The following KCNQ5 variants were observed in gnomAD, a reference collection of about 807,000 sequenced individuals.
The protein encoded by KCNQ5 is potassium voltage-gated channel subfamily Q member 5, also known as potassium voltage-gated channel subfamily KQT member 5.
Under a neutral mutation model 98.2 loss-of-function variants are expected in KCNQ5, and 30 were observed. That is an observed-to-expected ratio of 0.31 (90% CI 0.23 to 0.41). The LOEUF (loss-of-function observed/expected upper bound fraction) is 0.41. KCNQ5 is among the 10% of genes least tolerant of loss of function. The probability of loss-of-function intolerance (pLI) is 1.00; values close to 1 mark genes in which losing one functional copy is unlikely to be tolerated. For missense variants in KCNQ5, 835 were observed against 1,182.5 expected (o/e 0.71, Z 4.31); for synonymous variants, 458 against 449.4 (o/e 1.02, Z -0.24).
intron 1 of KCNQ5, among the ~76,000 whole-genome samples, chr6:72,870,966 T>G (rs1211501689): frequency 6.6e-6 from 1 of 152,224 alleles, no homozygotes; most frequent in East Asian, 1.9e-4. Context: ...TTTTAACCAT[T>G]TGGGACTAAA....
intron 1 of KCNQ5, among the ~76,000 whole-genome samples, chr6:72,836,240 C>A (rs182074132): frequency 1.4e-4 from 21 of 152,152 alleles, no homozygotes; most frequent in African/African-American, 4.6e-4. Context: ...TCTAGTCAAG[C>A]TGCAAATTAC....
Position 72,781,122 on chromosome 6 carries a change from G to A in KCNQ5, c.398+158535G>A, listed in dbSNP as rs117211152. Among the ~76,000 whole-genome samples the A allele has an allele frequency of 9.5e-3, 1,448 of 152,272 alleles. 13 individuals carry two copies. Among genetic ancestry groups the A allele is most frequent in the Non-Finnish European group, 0.015 (1,045 of 68,024 alleles). The stretch of plus-strand genomic sequence containing the variant: ...TGTAATTAGTTGTTAAAGTGAGGTT[G>A]CTAAGAGAGTGGGCCCTAAATCCCA... On this transcript the variant is annotated intron_variant, in intron 1 of 13. Transcript: ENST00000370398.
intron 1 of KCNQ5, among the ~76,000 whole-genome samples, chr6:72,975,591 G>A (rs996833339): frequency 1.3e-5 from 2 of 152,120 alleles, no homozygotes; most frequent in Admixed American, 1.3e-4. Context: ...TAGTTTCAGA[G>A]TTTATGGTTA....
At chr6:72,790,643 T>C (rs1294479140) in intron 1 of KCNQ5, among the ~76,000 whole-genome samples, 5 of 152,146 alleles carry the variant, frequency 3.3e-5, no homozygotes, top group African/African-American at 9.7e-5. Flanking sequence ...TTATTGTACA[T>C]TTAAAAATAA....
At chr6:72,901,187 A>G (rs1324222564) in intron 1 of KCNQ5, among the ~76,000 whole-genome samples, 1 of 117,784 alleles carries the variant, frequency 8.5e-6, no homozygotes, top group Non-Finnish European at 1.6e-5. Flanking sequence ...CCCTTAGCCC[A>G]TTTTTTGATG....
At chr6:72,792,999 T>C (rs1582300687) in intron 1 of KCNQ5, among the ~76,000 whole-genome samples, 1 of 152,134 alleles carries the variant, frequency 6.6e-6, no homozygotes, top group Admixed American at 6.6e-5. Flanking sequence ...CTGGGAGAGT[T>C]TTTTTATGGG....
chr6:72,900,307 CAT>C (rs150322921), intron 1 of KCNQ5, among the ~76,000 whole-genome samples: 2 of 149,310 alleles, frequency 1.3e-5, no homozygotes, highest in Admixed American at 6.7e-5. Context: ...TGTCTGAGTA[CAT>C]ATATATATAT....
At chr6:72,714,103 A>G (rs1769518162) in intron 1 of KCNQ5, among the ~76,000 whole-genome samples, 4 of 152,222 alleles carry the variant, frequency 2.6e-5, no homozygotes, top group Admixed American at 2.6e-4. Context: ...ATTTCTCTGT[A>G]AGAACAATTA....
chr6:73,072,672 T>C (rs1209475294), intron 3 of KCNQ5, among the ~76,000 whole-genome samples: 2 of 152,220 alleles, frequency 1.3e-5, no homozygotes, highest in African/African-American at 4.8e-5. Context: ...ATGGTATTTA[T>C]TTTGTTCAAA....
intron 1 of KCNQ5, among the ~76,000 whole-genome samples, chr6:72,645,559 G>T (rs1183048088): frequency 6.6e-6 from 1 of 152,038 alleles, no homozygotes; most frequent in Non-Finnish European, 1.5e-5. Flanking sequence ...ATATGGTATG[G>T]AAATTCTCTT....
chr6:73,042,962 G>A (rs1473491091), intron 3 of KCNQ5: 3 of 179,298 alleles, frequency 1.7e-5, no homozygotes, highest in African/African-American at 7.1e-5. Flanking sequence ...TTCTTGATGA[G>A]GCTTATTTAT....
chr6:73,166,771 C>A (rs1378763725), intron 10 of KCNQ5, among the ~76,000 whole-genome samples: 2 of 152,146 alleles, frequency 1.3e-5, no homozygotes, highest in African/African-American at 4.8e-5. Flanking sequence ...TCTCTCCTAA[C>A]GATTGGTGGG....
chr6:72,628,240 A>C (rs545897378), intron 1 of KCNQ5, among the ~76,000 whole-genome samples: 12 of 152,328 alleles, frequency 7.9e-5, no homozygotes, highest in African/African-American at 2.6e-4. Context: ...CAGTTTTCTT[A>C]GACGTAAGAT....
rs534457288 is a variant in KCNQ5 at position 73,118,373 on chromosome 6, T to C, written c.1126-2110T>C. Among the ~76,000 whole-genome samples, 25 of 152,380 alleles carry C rather than the reference T, an allele frequency of 1.6e-4. No individual in the cohort carries two copies. In the East Asian group the frequency reaches 4.4e-3, roughly 27 times the overall value. On this transcript the variant is annotated intron_variant, in intron 7 of 13. Coordinates refer to ENST00000370398, the MANE Select transcript of KCNQ5 (RefSeq NM_019842.4). ...ACTATTGCCATATAGTATTGTACTA[T>C]GTAAATGGTGTCACAAATTTTCTGT...
intron 1 of KCNQ5, among the ~76,000 whole-genome samples, chr6:72,823,379 G>A (rs1265095897): frequency 1.3e-5 from 2 of 151,836 alleles, no homozygotes; most frequent in South Asian, 2.1e-4. Context: ...CATTAAAAAT[G>A]GATGAGACCT....
intron 5 of KCNQ5, among the ~76,000 whole-genome samples, chr6:73,088,273 G>A (rs1043968977): frequency 1.3e-5 from 2 of 151,870 alleles, no homozygotes; most frequent in African/African-American, 2.4e-5. Flanking sequence ...CACCTGCCTC[G>A]GCCTCCCAAA....
At chr6:72,872,764 C>T (rs1205511564) in intron 1 of KCNQ5, among the ~76,000 whole-genome samples, 7 of 152,026 alleles carry the variant, frequency 4.6e-5, no homozygotes, top group Non-Finnish European at 7.4e-5. Flanking sequence ...AAAGCAACTT[C>T]ATTATTCAAT....
intron 9 of KCNQ5, among the ~76,000 whole-genome samples, chr6:73,131,481 C>A (rs1562197193): frequency 6.6e-6 from 1 of 151,796 alleles, no homozygotes; most frequent in Non-Finnish European, 1.5e-5. Context: ...TTGAGCTATT[C>A]ATTAATCTGA....
intron 1 of KCNQ5, among the ~76,000 whole-genome samples, chr6:72,658,580 T>TATATA (rs35213829): frequency 4.6e-3 from 298 of 64,732 alleles, no homozygotes; most frequent in Middle Eastern, 0.031. Flanking sequence ...ATATATATAT[T>TATATA]TTTTTTTTTT....
Sources: gnomAD v4.1 joint callset for allele counts (sites outside exome capture counted in the v4.1 genomes callset) on GRCh38, gnomAD v4.1.1 for gene constraint, MANE v1.5 for transcripts, NCBI Gene and HGNC (gene_info 2026-07-23, HGNC 2026-07-21) for gene names.